The following OCA2 variants were observed in gnomAD, a reference collection of about 807,000 sequenced individuals.
OCA2 encodes the protein OCA2 melanosomal transmembrane protein.
A neutral mutation model predicts 100.2 loss-of-function variants in OCA2; 77 were observed. That is an observed-to-expected ratio of 0.77 (90% CI 0.64 to 0.93). The LOEUF (loss-of-function observed/expected upper bound fraction) is 0.93, where lower values mean the gene tolerates loss of function less well. Among genes scored for constraint, OCA2 ranks in the 40% least tolerant of loss-of-function variants. OCA2 has a pLI of 0.00. For synonymous variants in OCA2, 432 were observed against 439.2 expected, an observed-to-expected ratio of 0.98 and a Z score of 0.21; for missense variants, 1,062 against 1,089.1, an observed-to-expected ratio of 0.98 and a Z score of 0.35.
the OCA2 span, among the ~76,000 whole-genome samples, chr15:27,729,181 C>T: frequency 1.3e-4 from 20 of 152,132 alleles, no homozygotes; most frequent in African/African-American, 4.8e-4. Flanking sequence ...ATTATTTCTA[C>T]CAACAATCTG....
At chr15:27,754,483 T>C (rs1234249671), downstream of OCA2, among the ~76,000 whole-genome samples, 6 of 152,178 alleles carry the variant, frequency 3.9e-5, no homozygotes, top group South Asian at 2.1e-4. Context: ...CTCTGGGGCA[T>C]AGCCATGATA....
intron 18 of OCA2, among the ~76,000 whole-genome samples, chr15:27,929,217 A>G (rs2039156491): frequency 6.6e-6 from 1 of 152,230 alleles, no homozygotes; most frequent in Admixed American, 6.5e-5. Flanking sequence ...ATAAAAAAGA[A>G]CAAGGTTTGA....
chr15:27,774,112 TATCA>T (rs1228750860), intron 23 of OCA2, among the ~76,000 whole-genome samples: 1 of 152,264 alleles, frequency 6.6e-6, no homozygotes, highest in Non-Finnish European at 1.5e-5. Flanking sequence ...AGTCATCTTG[TATCA>T]AACTGAAGTC....
chr15:28,062,820 T>C (rs1301552078), intron 2 of OCA2, among the ~76,000 whole-genome samples: 2 of 152,220 alleles, frequency 1.3e-5, no homozygotes, highest in Non-Finnish European at 2.9e-5. Flanking sequence ...CTATTCTTTC[T>C]GTATTTATTT....
intron 15 of OCA2, among the ~76,000 whole-genome samples, chr15:27,963,165 A>G (rs2140780204): frequency 6.6e-6 from 1 of 152,338 alleles, no homozygotes. Flanking sequence ...AGAGAAATAA[A>G]CAAATCTATA....
chr15:27,854,200 G>C (rs937007709), intron 21 of OCA2, among the ~76,000 whole-genome samples: 1 of 152,234 alleles, frequency 6.6e-6, no homozygotes, highest in African/African-American at 2.4e-5. Flanking sequence ...GGAGGTTCAG[G>C]CTCTTGGCCA....
chr15:27,958,366 A>G (rs145884293), intron 15 of OCA2, among the ~76,000 whole-genome samples: 151 of 152,316 alleles, frequency 9.9e-4, no homozygotes, highest in African/African-American at 3.5e-3. Context: ...ACATTGCCCA[A>G]TCTTTGAGGG....
chr15:27,991,690 G>T (rs2041561162), intron 9 of OCA2, among the ~76,000 whole-genome samples: 1 of 152,058 alleles, frequency 6.6e-6, no homozygotes, highest in Non-Finnish European at 1.5e-5. Flanking sequence ...TTTCCAAGGG[G>T]TGAAATTAAT....
intron 23 of OCA2, among the ~76,000 whole-genome samples, chr15:27,770,720 TCTTA>T (rs1411027615): frequency 7.2e-6 from 1 of 139,394 alleles, no homozygotes; most frequent in Admixed American, 7.1e-5. Context: ...CCCGCTCCTT[TCTTA>T]CTTCCCTCCC....
chr15:27,887,684 C>G (rs1037181811), intron 19 of OCA2, among the ~76,000 whole-genome samples: 5 of 145,928 alleles, frequency 3.4e-5, no homozygotes, highest in Non-Finnish European at 4.5e-5. Context: ...TGAAAATGGA[C>G]TAATACAGGA....
rs557264172 is a variant in OCA2 at position 27,985,539 on chromosome 15, T to C, written c.1240-351A>G. Among the ~76,000 whole-genome samples the C allele has an allele frequency of 1.5e-3, 224 of 152,280 alleles. 1 individual carries two copies. Among genetic ancestry groups the C allele is most frequent in the African/African-American group, 5.2e-3 (216 of 41,552 alleles). On this transcript the variant is annotated intron_variant, in intron 12 of 23. Transcript: ENST00000354638. ...TTGACATTTGGGATCCATGTGAGCCTAGTGTCTGCTGATCTCTGGGGAACT... is the reference window on the plus strand; with the variant it reads ...TTGACATTTGGGATCCATGTGAGCCCAGTGTCTGCTGATCTCTGGGGAACT...
Position 28,069,403 on chromosome 15 carries a change from C to T in OCA2, c.227+12245G>A, listed in dbSNP as rs1297299981. Among the ~76,000 whole-genome samples, 209 of 9,734 alleles carry T rather than the reference C, an allele frequency of 0.021. 88 individuals are homozygous for T. The African/African-American group carries it at 0.29, about 13-fold the overall frequency. The allele number at this position is 9,734 out of a possible 152,430, so 6.4% of individuals were successfully genotyped here. A position where few individuals can be genotyped will look rare whatever the true frequency, so the allele number is the denominator to read the frequency against. On this transcript the variant is annotated intron_variant, in intron 2 of 23. Transcript: ENST00000354638. ...CTCCCTCCCCCTCCCCCTCCCCCTCCCCTTCCCCCTCCCCCTCCCCCTCCC... is the reference window on the plus strand; with the variant it reads ...CTCCCTCCCCCTCCCCCTCCCCCTCTCCTTCCCCCTCCCCCTCCCCCTCCC...
At chr15:27,886,671 T>TTATATG (rs1192389905) in intron 19 of OCA2, among the ~76,000 whole-genome samples, 1 of 152,220 alleles carries the variant, frequency 6.6e-6, no homozygotes, top group Non-Finnish European at 1.5e-5. Context: ...TTAGGTCCAA[T>TTATATG]TATATGTTCT....
intron 23 of OCA2, among the ~76,000 whole-genome samples, chr15:27,803,915 C>A (rs1360238838): frequency 2.0e-5 from 3 of 152,102 alleles, no homozygotes; most frequent in Non-Finnish European, 4.4e-5. Flanking sequence ...AACAGTTGGG[C>A]AATTTCTTTA....
intron 23 of OCA2, among the ~76,000 whole-genome samples, chr15:27,789,891 A>G (rs567535495): frequency 1.1e-4 from 16 of 152,324 alleles, no homozygotes; most frequent in Admixed American, 7.2e-4. Flanking sequence ...CTAGCCAAAA[A>G]TTTCTTAAAT....
At chr15:27,986,133 G>C (rs4778221) in intron 12 of OCA2, among the ~76,000 whole-genome samples, 31,196 of 152,164 alleles carry the variant, frequency 0.21, 4,705 homozygotes, top group East Asian at 0.82. Flanking sequence ...ACAAATCCTG[G>C]AGGCCAGAGC....
chr15:28,024,442 C>A (rs1293426265), intron 5 of OCA2, among the ~76,000 whole-genome samples: 1 of 152,216 alleles, frequency 6.6e-6, no homozygotes, highest in Non-Finnish European at 1.5e-5. Flanking sequence ...GCCCAGGGCA[C>A]AATCTCAAAG....
chr15:27,912,995 A>C (rs2038454781), intron 19 of OCA2, among the ~76,000 whole-genome samples: 1 of 152,228 alleles, frequency 6.6e-6, no homozygotes, highest in Non-Finnish European at 1.5e-5. Context: ...AGAAAACATG[A>C]GACAAACCCA....
chr15:27,729,289 A>ATTTTTTTTT, the OCA2 span, among the ~76,000 whole-genome samples: 1 of 111,218 alleles, frequency 9.0e-6, no homozygotes, highest in Non-Finnish European at 1.9e-5. Flanking sequence ...ATTATCATCT[A>ATTTTTTTTT]TTTTTTTTTT....
Sources: allele counts gnomAD v4.1 joint callset (sites outside exome capture counted in the v4.1 genomes callset), GRCh38; gene constraint gnomAD v4.1.1; transcripts MANE v1.5; gene names NCBI Gene and HGNC (gene_info 2026-07-23, HGNC 2026-07-21).